The following RNF19B variants were observed in gnomAD, a reference collection of about 807,000 sequenced individuals.
RNF19B encodes the protein E3 ubiquitin-protein ligase RNF19B.
In RNF19B, 23 loss-of-function variants were observed where a neutral mutation model predicts 65.5. That is an observed-to-expected ratio of 0.35 (90% confidence interval 0.25 to 0.50). The LOEUF is 0.50. Among genes scored for constraint, RNF19B ranks in the 20% least tolerant of loss-of-function variants. The probability of loss-of-function intolerance (pLI) is 0.98; values close to 1 mark genes in which losing one functional copy is unlikely to be tolerated. For synonymous variants in RNF19B, 372 were observed against 379.6 expected (o/e 0.98, Z 0.23); for missense variants, 794 against 980.0 (o/e 0.81, Z 2.53).
In RNF19B at chr1:32,938,140, C is replaced by CAAAA. The variant is rs80176999; in HGVS notation, c.1742+253_1742+256dup. Reference sequence around the variant, plus strand: ...ACACTGTTGCAATAGCCAAGAAAGACAAAAAAAAAAAAAAAAAAAAGAAAA... The same window carrying CAAAA: ...ACACTGTTGCAATAGCCAAGAAAGACAAAAAAAAAAAAAAAAAAAAAAAAGAAAA... On this transcript the variant is annotated intron_variant, in intron 8 of 8. Transcript: ENST00000235150. Among the ~76,000 whole-genome samples the CAAAA allele has an allele frequency of 4.6e-3, 210 of 46,034 alleles. 1 individual carries two copies. Among genetic ancestry groups the CAAAA allele is most frequent in the African/African-American group, 0.015 (178 of 11,714 alleles). The allele number at this position is 46,034 out of a possible 152,430, so 30.2% of individuals were successfully genotyped here. A position where few individuals can be genotyped will look rare whatever the true frequency, so the allele number is the denominator to read the frequency against.
At position 32,949,713 on chromosome 1, in the gene RNF19B, A is replaced by C; in HGVS notation, c.697T>G (p.Cys233Gly). 1 of 1,613,940 alleles carries C rather than the reference A, an allele frequency of 6.2e-7. No individual in the cohort carries two copies. Among genetic ancestry groups the C allele is most frequent in the Non-Finnish European group, 8.5e-7 (1 of 1,180,030 alleles). ...CAGTGGTAGCAGAACTCAGTCTGGC[A>C]ACCTTCCCTCTCACAAGTTAGCTTC... ...CPKLTCEREGCQTEFCYHCKQ... is the reference protein window; with the variant it reads ...CPKLTCEREGGQTEFCYHCKQ... Residue 233 changes from cysteine to glycine, a missense_variant, in exon 2 of 9, where the codon TGC becomes GGC. Transcript: ENST00000235150.
intron 1 of RNF19B, among the ~76,000 whole-genome samples, chr1:32,960,240 GT>G: frequency 6.6e-6 from 1 of 152,224 alleles, no homozygotes; most frequent in African/African-American, 2.4e-5. Flanking sequence ...AGTAATTATA[GT>G]AAAACTAATG....
At chr1:32,948,492 T>C in intron 2 of RNF19B, 129 bp from the exon 3 acceptor site, 2 of 915,044 alleles carry the variant, frequency 2.2e-6, no homozygotes, top group Non-Finnish European at 3.2e-6. Flanking sequence ...ACACTCCAAA[T>C]TGTACAACCC....
At chr1:32,929,585 T>C in the RNF19B span, among the ~76,000 whole-genome samples, 13 of 152,206 alleles carry the variant, frequency 8.5e-5, no homozygotes, top group Admixed American at 3.9e-4. Context: ...CATAGTTACA[T>C]GGCTTAAGAT....
At chr1:32,945,244 C>T (rs1159754302) in intron 5 of RNF19B, among the ~76,000 whole-genome samples, 1 of 152,088 alleles carries the variant, frequency 6.6e-6, no homozygotes, top group Non-Finnish European at 1.5e-5. Context: ...AAGGTGAAAA[C>T]TAGGGCTTAA....
intron 8 of RNF19B, 47 bp downstream of exon 8, chr1:32,938,350 C>T (rs1220374419): frequency 1.9e-6 from 3 of 1,612,094 alleles, no homozygotes; most frequent in East Asian, 2.2e-5. Flanking sequence ...GACCTAGTAC[C>T]CAACGAAAAA....
chr1:32,941,286 T>G (rs1642224622), intron 7 of RNF19B, among the ~76,000 whole-genome samples: 1 of 152,064 alleles, frequency 6.6e-6, no homozygotes, highest in Non-Finnish European at 1.5e-5. Context: ...GGTTCATGCT[T>G]GTAATCCCAG....
Position 32,964,636 on chromosome 1 carries a change from G to T in RNF19B, c.50C>A (p.Ala17Glu). Residue 17 changes from alanine (A) to glutamate (E), a missense_variant, in exon 1 of 9, where the codon GCG becomes GAG. This residue lies in a region of RNF19B where 374 missense variants were observed against 423.8 expected (regional missense o/e 0.88). Transcript: ENST00000235150. The surrounding 1 kb of genome is among the most constrained non-coding windows in gnomAD (Gnocchi z 6.5). Reference sequence around the variant, plus strand: ...GCGGCACTTAGGGTCGGGTGCGGCCGCATGTAGCGATGTGGAGCGCGGCGA... The same window carrying T: ...GCGGCACTTAGGGTCGGGTGCGGCCTCATGTAGCGATGTGGAGCGCGGCGA... ...SESPRSTSLH[A>E]AAPDPKCRSG... 1.4e-6 allele frequency: 2 copies of T among 1,473,924 alleles called. No homozygotes were observed. The highest frequency in any genetic ancestry group is 2.4e-5 in the Admixed American group (1 of 41,534). 91.3% of individuals were successfully genotyped at this position (1,473,924 alleles called of 1,614,324 possible).
At chr1:32,943,490 G>T (rs1326892233) in intron 6 of RNF19B, among the ~76,000 whole-genome samples, 1 of 151,340 alleles carries the variant, frequency 6.6e-6, no homozygotes, top group East Asian at 2.0e-4. Flanking sequence ...GTGGCACGTT[G>T]CTGTAGTCCC....
At chr1:32,946,347 T>G (rs1041415771) in intron 4 of RNF19B, 55 bp downstream of exon 4, 1 of 1,537,838 alleles carries the variant, frequency 6.5e-7, no homozygotes, top group Admixed American at 1.7e-5. Flanking sequence ...CCCTCAAACC[T>G]TTACTAACGA....
rs939785063 is a variant in RNF19B at position 32,944,056 on chromosome 1, C to T, written c.1365G>A (p.Val455=). 1.2e-6 allele frequency: 2 copies of T among 1,612,934 alleles called. No individual in the cohort carries two copies. Among genetic ancestry groups the T allele is most frequent in the Non-Finnish European group, 1.7e-6 (2 of 1,179,230 alleles). ...CGVSTANGKG[V]KIEFDEDDGP... is the part of the protein sequence containing the mutation. ...CATCATCTTCATCAAATTCAATTTT[C>T]ACTCCTTTTCCGTTGGCTGTGCTAA... The change falls in exon 6 of 9, where the codon GTG becomes GTA. Residue 455 remains valine (V), a synonymous_variant. Transcript: ENST00000235150.
At chr1:32,948,767 T>C (rs1447136084) in intron 2 of RNF19B, among the ~76,000 whole-genome samples, 2 of 152,174 alleles carry the variant, frequency 1.3e-5, no homozygotes, top group Non-Finnish European at 2.9e-5. Context: ...AAAACTTTAG[T>C]TTGGGAAATT....
intron 7 of RNF19B, among the ~76,000 whole-genome samples, chr1:32,941,850 C>T (rs1004906168): frequency 3.3e-5 from 5 of 151,686 alleles, no homozygotes; most frequent in African/African-American, 9.7e-5. Context: ...GTAATCCCAA[C>T]GGTTTGGGAG....
At chr1:32,949,312 T>C (rs757585352) in intron 2 of RNF19B, among the ~76,000 whole-genome samples, 1 of 152,202 alleles carries the variant, frequency 6.6e-6, no homozygotes, top group African/African-American at 2.4e-5. Context: ...CTCTCCAATC[T>C]GAGACATATT....
Position 32,937,027 on chromosome 1 carries a change from G to T in RNF19B, c.1975C>A (p.Pro659Thr). The stretch of plus-strand genomic sequence containing the variant: ...TCTAGGTCACTGCGGATGCTTTCAG[G>T]CTGGGCCAGGCTGATGTCCCAAGGT... ...SKPWDISLAQ[P>T]ESIRSDLESS... is the part of the protein sequence containing the mutation. Residue 659 changes from proline to threonine, a missense_variant, in exon 9 of 9, where the codon CCT (proline) becomes ACT (threonine). Pro to Thr is a conservative substitution (Grantham distance 38). Coordinates refer to ENST00000235150, the MANE Select transcript of RNF19B (RefSeq NM_001300826.2). 3 of 1,614,206 alleles carry T rather than the reference G, an allele frequency of 1.9e-6. No individual in the cohort carries two copies. The East Asian group carries it at 6.7e-5, about 36-fold the overall frequency.
At position 32,936,773 on chromosome 1, in the gene RNF19B, T is replaced by C; in HGVS notation, c.*33A>G. 8.2e-6 allele frequency: 12 copies of C among 1,472,168 alleles called. No individual in the cohort carries two copies. Among genetic ancestry groups the C allele is most frequent in the Non-Finnish European group, 1.1e-5 (12 of 1,108,542 alleles). 91.2% of individuals were successfully genotyped at this position (1,472,168 alleles called of 1,614,324 possible). A position where few individuals can be genotyped will look rare whatever the true frequency, so the allele number is the denominator to read the frequency against. On this transcript the variant is annotated 3_prime_UTR_variant, in exon 9 of 9. Transcript: ENST00000235150. ...AAATTCCAAAAGATGCAGTTACAAG[T>C]GTGCTTCTCAGAACAGGAGCATTCA...
chr1:32,933,430 A>G (rs189572719), downstream of RNF19B, among the ~76,000 whole-genome samples: 1 of 151,930 alleles, frequency 6.6e-6, no homozygotes, highest in East Asian at 1.9e-4. Flanking sequence ...AATTTTGTGT[A>G]TTTTTAGTAG....
At chr1:32,946,932 T>C (rs189961418) in intron 3 of RNF19B, among the ~76,000 whole-genome samples, 2 of 152,346 alleles carry the variant, frequency 1.3e-5, no homozygotes, top group African/African-American at 4.8e-5. Flanking sequence ...CACCCTGCAC[T>C]AATGAACACT....
At chr1:32,955,963 C>T (rs887076717) in intron 1 of RNF19B, among the ~76,000 whole-genome samples, 3 of 152,128 alleles carry the variant, frequency 2.0e-5, no homozygotes, top group Admixed American at 1.3e-4. Flanking sequence ...GGTGCAGTGG[C>T]TCATGCCCAT....
Sources: gnomAD v4.1 joint callset for allele counts (sites outside exome capture counted in the v4.1 genomes callset) on GRCh38, gnomAD v4.1.1 for gene constraint, gnomAD v4.1.1 regional missense constraint, Gnocchi (gnomAD v3.1) non-coding constraint, MANE v1.5 for transcripts, NCBI Gene and HGNC (gene_info 2026-07-23, HGNC 2026-07-21) for gene names.